TPRG1: variants seen among roughly 807,000 people sequenced by gnomAD.
TPRG1 encodes the protein tumor protein p63 regulated 1.
TPRG1 carries 29 observed loss-of-function variants against 29.3 expected under a neutral mutation model. That is an observed-to-expected ratio of 0.99 (90% confidence interval 0.74 to 1.35). The LOEUF (loss-of-function observed/expected upper bound fraction) is 1.35, where lower values mean the gene tolerates loss of function less well. Ranked by LOEUF, TPRG1 falls within the 40% of genes most tolerant of loss-of-function variation. The pLI is 0.00. For missense variants in TPRG1, 327 were observed against 335.0 expected (o/e 0.98, Z 0.19); for synonymous variants, 130 against 116.8 (o/e 1.11, Z -0.73).
At chr3:189,238,545 C>T (rs575597964) in intron 3 of TPRG1, 188 bp from the exon 4 acceptor site, 26 of 441,240 alleles carry the variant, frequency 5.9e-5, no homozygotes, top group African/African-American at 5.0e-4. Context: ...CATCTTCCAC[C>T]TTTCCTCCTT....
intron 3 of TPRG1, among the ~76,000 whole-genome samples, chr3:189,018,174 G>A (rs1371667126): frequency 2.2e-4 from 33 of 150,350 alleles, no homozygotes; most frequent in South Asian, 1.5e-3. Context: ...CTCCCATTTT[G>A]TAGGTTGCCT....
intron 4 of TPRG1, among the ~76,000 whole-genome samples, chr3:189,257,764 A>C (rs1372059352): frequency 1.3e-5 from 2 of 151,882 alleles, no homozygotes; most frequent in African/African-American, 4.8e-5. Flanking sequence ...TTGATCTTCA[A>C]TCTCTGATAT....
intron 4 of TPRG1, among the ~76,000 whole-genome samples, chr3:189,059,507 G>A (rs189446478): frequency 2.8e-4 from 43 of 152,024 alleles, no homozygotes; most frequent in Non-Finnish European, 4.9e-4. Context: ...CAAGAGAACC[G>A]CTTGAACCCA....
At chr3:189,154,038 A>G (rs1274207930) in intron 5 of TPRG1, among the ~76,000 whole-genome samples, 3 of 152,152 alleles carry the variant, frequency 2.0e-5, no homozygotes, top group Non-Finnish European at 4.4e-5. Context: ...GAAACACCCA[A>G]TTGGCCAAAT....
At chr3:189,283,717 C>G (rs1055977723) in intron 4 of TPRG1, among the ~76,000 whole-genome samples, 2 of 152,142 alleles carry the variant, frequency 1.3e-5, no homozygotes, top group African/African-American at 4.8e-5. Context: ...GGGATTATCA[C>G]CATATCATTT....
chr3:189,163,064 G>A (rs925325584), intron 5 of TPRG1, among the ~76,000 whole-genome samples: 4 of 152,174 alleles, frequency 2.6e-5, no homozygotes, highest in African/African-American at 9.7e-5. Context: ...CTGAGGTCAG[G>A]AGTTCGAGAC....
intron 4 of TPRG1, among the ~76,000 whole-genome samples, chr3:189,081,020 T>C (rs1272588941): frequency 6.6e-6 from 1 of 152,054 alleles, no homozygotes; most frequent in Non-Finnish European, 1.5e-5. Flanking sequence ...TAGAGATGAA[T>C]ATTTCTCTTT....
At chr3:189,073,957 C>T (rs1578290101) in intron 4 of TPRG1, among the ~76,000 whole-genome samples, 1 of 152,040 alleles carries the variant, frequency 6.6e-6, no homozygotes, top group Admixed American at 6.6e-5. Context: ...TTTTGAATGA[C>T]AGTTTAATTG....
At chr3:189,078,142 CT>C (rs1340953933) in intron 4 of TPRG1, among the ~76,000 whole-genome samples, 80 of 49,418 alleles carry the variant, frequency 1.6e-3, no homozygotes, top group Admixed American at 4.3e-3. Flanking sequence ...TCTTTCCTTT[CT>C]TTTTTTTTTT....
At chr3:189,194,745 T>C (rs1732250959) in intron 1 of TPRG1, among the ~76,000 whole-genome samples, 1 of 152,038 alleles carries the variant, frequency 6.6e-6, no homozygotes, top group South Asian at 2.1e-4. Flanking sequence ...TGAGATACTG[T>C]GTAGTAGTAG....
At chr3:189,268,964 T>G (rs1714607699) in intron 4 of TPRG1, among the ~76,000 whole-genome samples, 1 of 152,208 alleles carries the variant, frequency 6.6e-6, no homozygotes, top group Admixed American at 6.5e-5. Flanking sequence ...GTGTATTTTC[T>G]CTATGACGAG....
intron 4 of TPRG1, among the ~76,000 whole-genome samples, chr3:189,297,200 C>T (rs1170684259): frequency 3.3e-5 from 5 of 152,010 alleles, no homozygotes; most frequent in African/African-American, 4.8e-5. Context: ...AAGCTGGTCT[C>T]GAACTCCTGA....
intron 5 of TPRG1, among the ~76,000 whole-genome samples, chr3:189,155,952 T>C (rs1726612709): frequency 2.0e-5 from 3 of 152,178 alleles, no homozygotes; most frequent in African/African-American, 7.2e-5. Flanking sequence ...ATTGTAAACT[T>C]GAAATTTGCT....
At chr3:189,025,635 A>G (rs1269398805) in intron 4 of TPRG1, among the ~76,000 whole-genome samples, 1 of 152,194 alleles carries the variant, frequency 6.6e-6, no homozygotes, top group Non-Finnish European at 1.5e-5. Context: ...ATGATAGTGT[A>G]TTCACTCTAA....
chr3:189,285,028 G>A, intron 4 of TPRG1, among the ~76,000 whole-genome samples: 1 of 152,088 alleles, frequency 6.6e-6, no homozygotes, highest in East Asian at 1.9e-4. Context: ...GAAAATTTTT[G>A]CAATCTACTC....
At chr3:189,044,816 A>C (rs1446681671) in intron 4 of TPRG1, among the ~76,000 whole-genome samples, 1 of 152,190 alleles carries the variant, frequency 6.6e-6, no homozygotes, top group Non-Finnish European at 1.5e-5. Flanking sequence ...TGGCCACTGA[A>C]TGTTTTAGAG....
At chr3:189,132,001 T>C (rs1723160505) in intron 2 of TPRG1, among the ~76,000 whole-genome samples, 2 of 152,194 alleles carry the variant, frequency 1.3e-5, no homozygotes, top group South Asian at 4.1e-4. Flanking sequence ...TAGTCCTCAG[T>C]TTCTCCATGT....
intron 4 of TPRG1, among the ~76,000 whole-genome samples, chr3:189,305,796 A>G (rs1343415290): frequency 6.6e-6 from 1 of 152,216 alleles, no homozygotes; most frequent in Non-Finnish European, 1.5e-5. Context: ...AGGATCCTAA[A>G]CATCCATGAC....
At chr3:189,229,229 C>T (rs2108897296) in intron 3 of TPRG1, among the ~76,000 whole-genome samples, 1 of 152,136 alleles carries the variant, frequency 6.6e-6, no homozygotes, top group African/African-American at 2.4e-5. Flanking sequence ...CAATTCCTAT[C>T]AAAATCTAAG....
Sources: gnomAD v4.1 joint callset for allele counts (sites outside exome capture counted in the v4.1 genomes callset) on GRCh38, gnomAD v4.1.1 for gene constraint, MANE v1.5 for transcripts, NCBI Gene and HGNC (gene_info 2026-07-23, HGNC 2026-07-21) for gene names.